The following KIF13A variants were observed in gnomAD, a reference collection of about 807,000 sequenced individuals.
KIF13A encodes the protein kinesin family member 13A.
KIF13A carries 79 observed loss-of-function variants against 212.2 expected under a neutral mutation model. The ratio of observed to expected loss-of-function variants is 0.37; its 90% CI spans 0.31 to 0.45. The LOEUF is 0.45. Among genes scored for constraint, KIF13A ranks in the 20% least tolerant of loss-of-function variants. The pLI, the probability that KIF13A is intolerant of heterozygous loss-of-function variation, is 1.00. For synonymous variants in KIF13A, 789 were observed against 808.6 expected (o/e 0.98, Z 0.41); for missense variants, 1,901 against 2,209.0 (o/e 0.86, Z 2.79).
chr6:17,814,249 CTTTTT>C (rs34056148), intron 17 of KIF13A, among the ~76,000 whole-genome samples: 2 of 89,560 alleles, frequency 2.2e-5, no homozygotes. Context: ...CAGTGCCCGG[CTTTTT>C]TTTTTTTTTT....
At chr6:17,881,269 T>C (rs77077500) in intron 3 of KIF13A, among the ~76,000 whole-genome samples, 7,660 of 152,230 alleles carry the variant, frequency 0.05, 488 homozygotes, top group African/African-American at 0.14. Context: ...TGTGAACCAC[T>C]GAACATCTAA....
chr6:17,790,303 A>G (rs898653730), intron 25 of KIF13A, among the ~76,000 whole-genome samples: 4 of 152,134 alleles, frequency 2.6e-5, no homozygotes, highest in African/African-American at 4.8e-5. Context: ...TACTTGGGAG[A>G]CTAAAGTGGG....
Position 17,898,267 on chromosome 6 carries a change from GA to G in KIF13A, c.147-88del, listed in dbSNP as rs1475784059. Reference sequence around the variant, plus strand: ...CACATCAGAGGGAAACAATGAAAGAGAAAAAAATAAGGTAAATTCAGCACCT... The same window carrying G: ...CACATCAGAGGGAAACAATGAAAGAGAAAAAATAAGGTAAATTCAGCACCT... On this transcript the variant is annotated intron_variant, in intron 2 of 38. Transcript: ENST00000259711. This position sits in a 1 kb window ranked among gnomAD's most constrained non-coding sequence, Gnocchi z 5.2. 5.3e-5 allele frequency: 70 copies of G among 1,313,072 alleles called. No homozygotes were observed. The highest frequency in any genetic ancestry group is 7.1e-5 in the Non-Finnish European group (66 of 929,014). 81.3% of individuals were successfully genotyped at this position (1,313,072 alleles called of 1,614,324 possible).
rs570882482 is a variant in KIF13A at position 17,794,118 on chromosome 6, T to C, written c.3222+131A>G. On this transcript the variant is annotated intron_variant, in intron 25 of 38. Coordinates refer to ENST00000259711, the MANE Select transcript of KIF13A (RefSeq NM_022113.6). The surrounding 1 kb of genome is among the most constrained non-coding windows in gnomAD (Gnocchi z 4.1). ...GATTTTAAAGCTAGAAAAAAGGCAA[T>C]GGATGGAAATGTGAACTGGGGGAAG... 9 of 627,998 alleles carry C rather than the reference T, an allele frequency of 1.4e-5. No individual in the cohort carries two copies. The highest frequency in any genetic ancestry group is 5.5e-5 in the Admixed American group (2 of 36,658). The allele number at this position is 627,998 out of a possible 1,614,324, so 38.9% of individuals were successfully genotyped here.
intron 16 of KIF13A, chr6:17,821,725 A>G (rs1764470240): frequency 4.0e-6 from 6 of 1,515,396 alleles, no homozygotes; most frequent in Non-Finnish European, 5.3e-6. Context: ...ATGAGCATCA[A>G]TCAGCAGCAC....
chr6:17,815,954 C>T (rs1464235031), intron 17 of KIF13A, among the ~76,000 whole-genome samples: 1 of 148,778 alleles, frequency 6.7e-6, no homozygotes, highest in African/African-American at 2.5e-5. Flanking sequence ...GTCACCCAGG[C>T]TGGAGTGCAA....
intron 38 of KIF13A, among the ~76,000 whole-genome samples, chr6:17,767,208 C>T (rs1286624138): frequency 6.6e-6 from 1 of 152,066 alleles, no homozygotes; most frequent in Non-Finnish European, 1.5e-5. Flanking sequence ...GTAGCCTTTG[C>T]CTATATTTTC....
intron 4 of KIF13A, among the ~76,000 whole-genome samples, chr6:17,861,574 C>T (rs1406427932): frequency 6.6e-6 from 1 of 152,188 alleles, no homozygotes; most frequent in African/African-American, 2.4e-5. Flanking sequence ...TTGGTCTCTA[C>T]TTACAACACT....
chr6:17,783,673 T>C lies in KIF13A; in HGVS notation c.3517A>G (p.Ile1173Val), dbSNP rs570438110. 9.5e-6 allele frequency: 15 copies of C among 1,582,754 alleles called. No individual in the cohort carries two copies. The East Asian group carries it at 2.7e-4, about 29-fold the overall frequency. Residue 1173 changes from isoleucine (I) to valine (V), a missense_variant, in exon 29 of 39, where the codon ATA (isoleucine) becomes GTA (valine). Physicochemically the swap from Ile to Val is conservative, Grantham distance 29. Transcript: ENST00000259711. The surrounding 1 kb of genome is among the most constrained non-coding windows in gnomAD (Gnocchi z 4.3). ...WIPPPGMETHIPVLFLDLNAD... is the reference protein window; with the variant it reads ...WIPPPGMETHVPVLFLDLNAD... ...TTCAAATCGAGGAAGAGAACTGGTA[T>C]GTGGGTTTCCATTCCAGGAGGTGGG...
At chr6:17,885,826 A>G (rs1771491193) in intron 3 of KIF13A, among the ~76,000 whole-genome samples, 1 of 152,206 alleles carries the variant, frequency 6.6e-6, no homozygotes, top group East Asian at 1.9e-4. Flanking sequence ...TACTCTACTC[A>G]TTTCATATTT....
At chr6:17,917,370 A>G (rs1774628176) in intron 2 of KIF13A, among the ~76,000 whole-genome samples, 1 of 151,090 alleles carries the variant, frequency 6.6e-6, no homozygotes, top group Non-Finnish European at 1.5e-5. Context: ...CCTCCCGAGA[A>G]GCTGGGATTA....
In KIF13A at chr6:17,931,995, G is replaced by A. The variant is rs59363044; in HGVS notation, c.147-33815C>T. On this transcript the variant is annotated intron_variant, in intron 2 of 38. Coordinates refer to ENST00000259711, the MANE Select transcript of KIF13A (RefSeq NM_022113.6). The stretch of plus-strand genomic sequence containing the variant: ...TGTGGTCCCCAGACTAACAGCATCA[G>A]CATCACCTGGAAACTCACTGGAAAA... 2.6e-5 allele frequency among the ~76,000 whole-genome samples: 4 copies of A among 151,994 alleles called. No individual in the cohort carries two copies. In the East Asian group the frequency reaches 7.7e-4, roughly 29 times the overall value.
At chr6:17,860,959 A>C (rs1286288894) in intron 4 of KIF13A, among the ~76,000 whole-genome samples, 1 of 152,158 alleles carries the variant, frequency 6.6e-6, no homozygotes, top group Non-Finnish European at 1.5e-5. Context: ...TACCCACCGT[A>C]TCCTCCTGGA....
intron 2 of KIF13A, among the ~76,000 whole-genome samples, chr6:17,974,991 G>T (rs1204107602): frequency 1.3e-5 from 2 of 152,186 alleles, no homozygotes; most frequent in Non-Finnish European, 2.9e-5. Context: ...GTCTAGACTA[G>T]TTCTCAAAGC....
At chr6:17,932,040 T>G (rs957178725) in intron 2 of KIF13A, among the ~76,000 whole-genome samples, 9 of 152,148 alleles carry the variant, frequency 5.9e-5, no homozygotes, top group Admixed American at 5.2e-4. Context: ...TGAGCCCCAC[T>G]GCAGACCTAC....
Position 17,786,327 on chromosome 6 carries a change from G to A in KIF13A, c.3362-686C>T, listed in dbSNP as rs915870487. ...TTAAAAAACACCATAGGCCGGGCAC[G>A]GTGGCTCACGGCTGTAACCCCAGCA... On this transcript the variant is annotated intron_variant, in intron 27 of 38. Coordinates refer to ENST00000259711, the MANE Select transcript of KIF13A (RefSeq NM_022113.6). This position sits in a 1 kb window ranked among gnomAD's most constrained non-coding sequence, Gnocchi z 5.4. Among the ~76,000 whole-genome samples the A allele has an allele frequency of 6.6e-6, 1 of 152,160 alleles. No homozygotes were observed. Among genetic ancestry groups the A allele is most frequent in the African/African-American group, 2.4e-5 (1 of 41,444 alleles).
intron 2 of KIF13A, among the ~76,000 whole-genome samples, chr6:17,953,364 C>A (rs1472622016): frequency 6.6e-6 from 1 of 151,998 alleles, no homozygotes; most frequent in Non-Finnish European, 1.5e-5. Context: ...TACTCTTAGA[C>A]AGTAAAAGGG....
intron 2 of KIF13A, among the ~76,000 whole-genome samples, chr6:17,952,631 ACT>A (rs1777963991): frequency 6.7e-6 from 1 of 148,342 alleles, no homozygotes. Context: ...ACAGGGAGAG[ACT>A]CTGTAAGAAA....
At chr6:17,973,103 G>T (rs1360481542) in intron 2 of KIF13A, among the ~76,000 whole-genome samples, 1 of 152,192 alleles carries the variant, frequency 6.6e-6, no homozygotes, top group East Asian at 1.9e-4. Flanking sequence ...TAGGGTTGCA[G>T]CAGAATCCTC....
Sources: gnomAD v4.1 joint callset for allele counts (sites outside exome capture counted in the v4.1 genomes callset) on GRCh38, gnomAD v4.1.1 for gene constraint, Gnocchi (gnomAD v3.1) non-coding constraint, MANE v1.5 for transcripts, NCBI Gene and HGNC (gene_info 2026-07-23, HGNC 2026-07-21) for gene names.